GLIS3: variants seen among roughly 807,000 people sequenced by gnomAD.
GLIS3 encodes GLIS family zinc finger 3, also known as zinc finger protein GLIS3.
In GLIS3, 53 loss-of-function variants were observed where a neutral mutation model predicts 78.6. The ratio of observed to expected loss-of-function variants is 0.67; its 90% confidence interval spans 0.54 to 0.85. GLIS3 has a LOEUF of 0.85. Ranked by LOEUF, GLIS3 falls within the 40% of genes least tolerant of loss-of-function variation. GLIS3 has a pLI of 0.00. For missense variants in GLIS3, 1,703 were observed against 1,231.1 expected, an observed-to-expected ratio of 1.38 and a Z score of -5.74; for synonymous variants, 684 against 509.9, an observed-to-expected ratio of 1.34 and a Z score of -4.60.
chr9:4,210,186 G>C (rs1416382567), intron 2 of GLIS3, among the ~76,000 whole-genome samples: 1 of 152,158 alleles, frequency 6.6e-6, no homozygotes, highest in African/African-American at 2.4e-5. Context: ...TCCAGTAATA[G>C]AAGCCCCAAA....
intron 4 of GLIS3, among the ~76,000 whole-genome samples, chr9:3,946,220 T>C (rs1816287012): frequency 6.6e-6 from 1 of 152,244 alleles, no homozygotes; most frequent in Admixed American, 6.5e-5. Context: ...CCTACTAGGC[T>C]GTGAGCTTTA....
At chr9:4,180,704 C>G (rs10814858) in intron 2 of GLIS3, among the ~76,000 whole-genome samples, 1 of 152,068 alleles carries the variant, frequency 6.6e-6, no homozygotes, top group Admixed American at 6.5e-5. Flanking sequence ...ACCCCCAATT[C>G]TTGTGCATTG....
At chr9:4,319,531 A>T (rs904105920) in intron 2 of GLIS3, among the ~76,000 whole-genome samples, 2 of 132,874 alleles carry the variant, frequency 1.5e-5, no homozygotes, top group Non-Finnish European at 3.2e-5. Flanking sequence ...CCAAATACTA[A>T]CACTTTTTTT....
chr9:4,389,125 A>G, the GLIS3 span, among the ~76,000 whole-genome samples: 1 of 152,338 alleles, frequency 6.6e-6, no homozygotes, highest in Admixed American at 6.5e-5. Context: ...TGCATGTTTG[A>G]TGTGCATTAA....
At chr9:4,420,882 C>A in the GLIS3 span, among the ~76,000 whole-genome samples, 21 of 152,208 alleles carry the variant, frequency 1.4e-4, no homozygotes, top group Non-Finnish European at 2.1e-4. Context: ...ATATTTTCCC[C>A]AAGCTATTTA....
chr9:4,371,795 C>T, the GLIS3 span, among the ~76,000 whole-genome samples: 5 of 152,314 alleles, frequency 3.3e-5, no homozygotes, highest in East Asian at 9.6e-4. Flanking sequence ...ATTTAAAATC[C>T]TTAGCCTGGC....
At chr9:4,403,662 A>C in the GLIS3 span, among the ~76,000 whole-genome samples, 1 of 152,162 alleles carries the variant, frequency 6.6e-6, no homozygotes, top group East Asian at 1.9e-4. Flanking sequence ...GTTTAAAATA[A>C]TGGATTATAA....
At chr9:3,839,904 C>A (rs1215377248) in intron 9 of GLIS3, among the ~76,000 whole-genome samples, 2 of 152,084 alleles carry the variant, frequency 1.3e-5, no homozygotes, top group African/African-American at 4.8e-5. Context: ...ATTCTACAAA[C>A]CCTGAAGTGT....
the GLIS3 span, among the ~76,000 whole-genome samples, chr9:4,368,031 G>C: frequency 3.9e-5 from 6 of 152,308 alleles, no homozygotes; most frequent in East Asian, 1.2e-3. Flanking sequence ...TCTACTGTAT[G>C]ATGTTTCCTC....
intron 9 of GLIS3, among the ~76,000 whole-genome samples, chr9:3,833,542 AGT>A (rs1818173977): frequency 1.3e-5 from 2 of 151,610 alleles, no homozygotes; most frequent in African/African-American, 4.9e-5. Flanking sequence ...AAAACCTGAG[AGT>A]GGTGGCAAGG....
chr9:3,870,189 G>GT (rs1820879569), intron 8 of GLIS3, among the ~76,000 whole-genome samples: 1 of 152,082 alleles, frequency 6.6e-6, no homozygotes, highest in Admixed American at 6.5e-5. Context: ...ATTAGAAAAT[G>GT]ATACCTGTGA....
At chr9:4,163,025 A>G (rs1037359444) in intron 2 of GLIS3, among the ~76,000 whole-genome samples, 4 of 152,144 alleles carry the variant, frequency 2.6e-5, no homozygotes, top group African/African-American at 7.2e-5. Context: ...CCACATGAGG[A>G]TGGAGAGGGG....
intron 4 of GLIS3, among the ~76,000 whole-genome samples, chr9:4,067,579 A>C (rs1564006883): frequency 6.6e-6 from 1 of 152,312 alleles, no homozygotes; most frequent in Non-Finnish European, 1.5e-5. Flanking sequence ...TATTTTTTAG[A>C]ATTCCCAGTT....
At chr9:3,921,804 G>C (rs1013449633) in intron 6 of GLIS3, among the ~76,000 whole-genome samples, 1 of 151,710 alleles carries the variant, frequency 6.6e-6, no homozygotes, top group Non-Finnish European at 1.5e-5. Context: ...AATAAGAAAA[G>C]ACAACAGATA....
intron 4 of GLIS3, among the ~76,000 whole-genome samples, chr9:4,075,164 A>G (rs1460631338): frequency 1.3e-5 from 2 of 152,138 alleles, no homozygotes; most frequent in East Asian, 3.8e-4. Flanking sequence ...TACTGTGGCG[A>G]TGGTACCACG....
At chr9:4,486,029 T>C in the GLIS3 span, among the ~76,000 whole-genome samples, 61 of 152,350 alleles carry the variant, frequency 4.0e-4, no homozygotes, top group African/African-American at 1.4e-3. Flanking sequence ...GCCCGACTTT[T>C]GCTTTTAGTC....
chr9:4,431,844 GAAAAAAA>G, the GLIS3 span, among the ~76,000 whole-genome samples: 1 of 73,062 alleles, frequency 1.4e-5, no homozygotes, highest in African/African-American at 5.8e-5. Context: ...AACTCCATCT[GAAAAAAA>G]AAAAAAAAAA....
At chr9:4,130,922 G>A (rs1355029972) in intron 2 of GLIS3, among the ~76,000 whole-genome samples, 1 of 152,210 alleles carries the variant, frequency 6.6e-6, no homozygotes, top group Non-Finnish European at 1.5e-5. Context: ...GAAAACAGCT[G>A]CCAGGGCTGC....
chr9:4,076,067 C>T (rs1231602631), intron 4 of GLIS3, among the ~76,000 whole-genome samples: 2 of 152,208 alleles, frequency 1.3e-5, no homozygotes, highest in African/African-American at 2.4e-5. Flanking sequence ...CAAGGGTACA[C>T]ATTGGTCAAA....
Sources: allele counts gnomAD v4.1 joint callset (sites outside exome capture counted in the v4.1 genomes callset), GRCh38; gene constraint gnomAD v4.1.1; transcripts MANE v1.5; gene names NCBI Gene and HGNC (gene_info 2026-07-23, HGNC 2026-07-21).